The following SAMD5 variants were observed in gnomAD, a reference collection of about 807,000 sequenced individuals.
SAMD5 encodes sterile alpha motif domain-containing protein 5.
SAMD5 carries 13 observed loss-of-function variants against 11.3 expected under a neutral mutation model. The ratio of observed to expected loss-of-function variants is 1.15; its 90% CI spans 0.75 to 1.83. The LOEUF (loss-of-function observed/expected upper bound fraction) is 1.83, where lower values mean the gene tolerates loss of function less well. Ranked by LOEUF, SAMD5 falls within the 40% of genes most tolerant of loss-of-function variation. The pLI is 0.00. For synonymous variants in SAMD5, 129 were observed against 111.3 expected (o/e 1.16, Z -1.00); for missense variants, 255 against 239.1 (o/e 1.07, Z -0.44).
Position 147,569,411 on chromosome 6 carries a change from T to A in SAMD5, c.*4955T>A, listed in dbSNP as rs1357119629. 3 of 963,194 alleles carry A rather than the reference T, an allele frequency of 3.1e-6. No individual in the cohort carries two copies. Among genetic ancestry groups the A allele is most frequent in the Non-Finnish European group, 3.7e-6 (3 of 809,856 alleles). 59.7% of individuals were successfully genotyped at this position (963,194 alleles called of 1,614,324 possible). ...CCATGTTAAGAGCTAAGTAGTATTT[T>A]TTTCTTAACAATTTTGCCAAAATTT... On this transcript the variant is annotated 3_prime_UTR_variant, in exon 2 of 2. Coordinates refer to ENST00000367474, the MANE Select transcript of SAMD5 (RefSeq NM_001030060.3).
the SAMD5 span, among the ~76,000 whole-genome samples, chr6:147,945,303 A>C: frequency 6.6e-6 from 1 of 152,140 alleles, no homozygotes; most frequent in Non-Finnish European, 1.5e-5. Flanking sequence ...ACTGACCTCT[A>C]TCTTCTTGGG....
the SAMD5 span, among the ~76,000 whole-genome samples, chr6:147,919,812 T>G: frequency 1.3e-5 from 2 of 152,140 alleles, no homozygotes; most frequent in East Asian, 3.9e-4. Context: ...TGGAGAAAAT[T>G]TAAGAGATTA....
chr6:147,541,035 C>T (rs533879959), intron 1 of SAMD5, among the ~76,000 whole-genome samples: 74 of 150,904 alleles, frequency 4.9e-4, no homozygotes, highest in African/African-American at 1.6e-3. Flanking sequence ...CTGCAACCTC[C>T]GCCTCCTGGG....
At chr6:147,920,578 C>G in the SAMD5 span, among the ~76,000 whole-genome samples, 13 of 152,314 alleles carry the variant, frequency 8.5e-5, no homozygotes, top group African/African-American at 3.1e-4. Context: ...TGTCTCTCTA[C>G]AGAACACTGA....
chr6:147,834,614 C>T, the SAMD5 span, among the ~76,000 whole-genome samples: 1 of 152,170 alleles, frequency 6.6e-6, no homozygotes, highest in East Asian at 1.9e-4. Flanking sequence ...ATTTTATAGG[C>T]ATTGCATCAT....
intron 1 of SAMD5, among the ~76,000 whole-genome samples, chr6:147,709,755 G>A (rs2128458411): frequency 6.6e-6 from 1 of 152,292 alleles, no homozygotes; most frequent in East Asian, 1.9e-4. Context: ...AGAAGTTCCT[G>A]AGGCTGTTCT....
the SAMD5 span, among the ~76,000 whole-genome samples, chr6:147,828,340 A>T: frequency 6.6e-6 from 1 of 152,226 alleles, no homozygotes; most frequent in East Asian, 1.9e-4. Context: ...AGGAGTTGTG[A>T]TGGTTAATAT....
At chr6:147,514,269 C>T (rs758430625) in intron 1 of SAMD5, among the ~76,000 whole-genome samples, 6 of 151,808 alleles carry the variant, frequency 4.0e-5, no homozygotes, top group Non-Finnish European at 7.4e-5. Context: ...AGAAGGGGTC[C>T]GGAGACTGGG....
the SAMD5 span, among the ~76,000 whole-genome samples, chr6:147,876,958 G>T: frequency 5.3e-5 from 8 of 152,170 alleles, no homozygotes; most frequent in African/African-American, 1.7e-4. Context: ...TTGGCAGATA[G>T]TAGAGTTTAG....
chr6:147,618,635 A>G (rs146712515), intron 1 of SAMD5, among the ~76,000 whole-genome samples: 80 of 152,334 alleles, frequency 5.3e-4, no homozygotes, highest in African/African-American at 1.9e-3. Flanking sequence ...GAGTACCACT[A>G]ACACCCAGTC....
chr6:147,628,888 C>T lies in SAMD5; in HGVS notation c.163-108429C>T, dbSNP rs1417726291. ...CCCAAAGAGTGCTCATTATCACATT[C>T]ATGACAATCTAGAATGCATTCTCCA... On this transcript the variant is annotated intron_variant, in intron 1 of 1. Coordinates refer to the SAMD5 transcript ENST00000566741. 2.0e-5 allele frequency among the ~76,000 whole-genome samples: 3 copies of T among 152,116 alleles called. No individual in the cohort carries two copies. In the East Asian group the frequency reaches 5.8e-4, roughly 29 times the overall value.
At chr6:147,811,385 A>G in the SAMD5 span, among the ~76,000 whole-genome samples, 1 of 152,234 alleles carries the variant, frequency 6.6e-6, no homozygotes, top group Non-Finnish European at 1.5e-5. Flanking sequence ...AAGAAAAGGT[A>G]AAAAAGGTAA....
intron 1 of SAMD5, among the ~76,000 whole-genome samples, chr6:147,560,345 A>C (rs550499843): frequency 6.6e-6 from 1 of 152,294 alleles, no homozygotes; most frequent in East Asian, 1.9e-4. Flanking sequence ...CCAACCACCC[A>C]AAGGCTCTGC....
the SAMD5 span, among the ~76,000 whole-genome samples, chr6:147,925,960 T>G: frequency 2.6e-5 from 4 of 152,246 alleles, no homozygotes; most frequent in Non-Finnish European, 5.9e-5. Context: ...GTTCCTCCAT[T>G]AATTTGCTAA....
chr6:147,567,322 A>G lies in SAMD5; in HGVS notation c.*2866A>G, dbSNP rs1789057217. On this transcript the variant is annotated 3_prime_UTR_variant, in exon 2 of 2. Coordinates refer to ENST00000367474, the MANE Select transcript of SAMD5 (RefSeq NM_001030060.3). ...GCAATTTCTCAGTTCAGAGATATTT[A>G]TAGCATCTTGGTGTTATGCAATAAA... 4.1e-6 allele frequency: 4 copies of G among 985,398 alleles called. No individual in the cohort carries two copies. Among genetic ancestry groups the G allele is most frequent in the Non-Finnish European group, 3.6e-6 (3 of 829,870 alleles). The allele number at this position is 985,398 out of a possible 1,614,324, so 61.0% of individuals were successfully genotyped here.
At chr6:147,866,811 T>A in the SAMD5 span, among the ~76,000 whole-genome samples, 18 of 152,086 alleles carry the variant, frequency 1.2e-4, no homozygotes, top group Non-Finnish European at 1.8e-4. Flanking sequence ...AAATACATCG[T>A]AGACACAAAA....
intron 1 of SAMD5, among the ~76,000 whole-genome samples, chr6:147,522,206 C>A (rs1208755173): frequency 6.6e-6 from 1 of 152,020 alleles, no homozygotes. Context: ...ATTGCATTGG[C>A]TAGAATTTAT....
At chr6:147,515,571 T>C (rs1305328837) in intron 1 of SAMD5, among the ~76,000 whole-genome samples, 1 of 152,050 alleles carries the variant, frequency 6.6e-6, no homozygotes. Flanking sequence ...TCTCCATTCA[T>C]CTATCCTTCC....
At chr6:147,634,821 A>G (rs1416249490) in intron 1 of SAMD5, among the ~76,000 whole-genome samples, 1 of 152,162 alleles carries the variant, frequency 6.6e-6, no homozygotes, top group Non-Finnish European at 1.5e-5. Context: ...TGACAGAGTG[A>G]AGGTTGTTTA....
Sources: gnomAD v4.1 joint callset for allele counts (sites outside exome capture counted in the v4.1 genomes callset) on GRCh38, gnomAD v4.1.1 for gene constraint, MANE v1.5 for transcripts, NCBI Gene and HGNC (gene_info 2026-07-23, HGNC 2026-07-21) for gene names.